Variants in P3H2 observed in about 807,000 individuals in gnomAD.
P3H2 encodes the protein prolyl 3-hydroxylase 2.
In P3H2, 80 loss-of-function variants were observed where a neutral mutation model predicts 87.0. The observed-to-expected ratio is 0.92, with a 90% CI of 0.77 to 1.11. P3H2 has a LOEUF of 1.11. P3H2 is among the 50% of genes least tolerant of loss of function. The pLI, the probability that P3H2 is intolerant of heterozygous loss-of-function variation, is 0.00. For synonymous variants in P3H2, 367 were observed against 359.3 expected (o/e 1.02, Z -0.24); for missense variants, 1,001 against 923.9 (o/e 1.08, Z -1.08).
intron 8 of P3H2, 57 bp from the exon 9 acceptor site, chr3:189,974,742 C>T: frequency 1.2e-6 from 2 of 1,607,470 alleles, no homozygotes; most frequent in African/African-American, 1.3e-5. Context: ...AAAGGAAGCA[C>T]AGAATACCAA....
intron 1 of P3H2, among the ~76,000 whole-genome samples, chr3:190,081,002 T>C (rs761606641): frequency 1.3e-5 from 2 of 152,252 alleles, no homozygotes; most frequent in Non-Finnish European, 2.9e-5. Context: ...TGGCTGATAG[T>C]CACACTCAGA....
chr3:189,972,795 C>A (rs2045294115), intron 11 of P3H2, 79 bp downstream of exon 11: 1 of 1,417,606 alleles, frequency 7.1e-7, no homozygotes, highest in East Asian at 2.3e-5. Flanking sequence ...ATCTACCATG[C>A]TGTTGAGCTT....
intron 3 of P3H2, among the ~76,000 whole-genome samples, chr3:189,992,277 G>A (rs1005563822): frequency 1.3e-5 from 2 of 152,004 alleles, no homozygotes; most frequent in Admixed American, 6.6e-5. Context: ...TATATTTTTA[G>A]TAGAGATGGG....
chr3:189,978,317 C>T (rs1210555558), intron 8 of P3H2, among the ~76,000 whole-genome samples: 2 of 152,144 alleles, frequency 1.3e-5, no homozygotes, highest in African/African-American at 2.4e-5. Context: ...AGGAAAATGT[C>T]TACCAGTCTT....
intron 1 of P3H2, among the ~76,000 whole-genome samples, chr3:190,029,929 G>C (rs1298809076): frequency 6.6e-6 from 1 of 151,694 alleles, no homozygotes; most frequent in African/African-American, 2.4e-5. Context: ...TTGAACCCGG[G>C]AGGCAGAGGT....
At chr3:190,052,958 G>A (rs1726030135) in intron 1 of P3H2, among the ~76,000 whole-genome samples, 1 of 151,996 alleles carries the variant, frequency 6.6e-6, no homozygotes, top group South Asian at 2.1e-4. Flanking sequence ...ATTTCTATAG[G>A]TTAGTTTAAA....
chr3:190,071,772 A>AG, intron 1 of P3H2, among the ~76,000 whole-genome samples: 1 of 152,278 alleles, frequency 6.6e-6, no homozygotes, highest in South Asian at 2.1e-4. Flanking sequence ...AAGTCTGTTG[A>AG]TCTCAGCTAT....
intron 1 of P3H2, among the ~76,000 whole-genome samples, chr3:190,007,816 T>TC (rs1724434102): frequency 1.3e-5 from 2 of 150,642 alleles, no homozygotes; most frequent in Admixed American, 6.6e-5. Flanking sequence ...CAGATTTTTT[T>TC]TTTTTTATGT....
chr3:189,966,144 A>AG (rs1722993457), intron 13 of P3H2, among the ~76,000 whole-genome samples: 1 of 124,810 alleles, frequency 8.0e-6, no homozygotes, highest in African/African-American at 2.8e-5. Context: ...AGAAAGAAAG[A>AG]AAGAAAGAAA....
Position 190,120,291 on chromosome 3 carries a change from G to T in P3H2, c.441C>A (p.Arg147=). The T allele has an allele frequency of 1.2e-6, 2 of 1,610,538 alleles. No individual in the cohort carries two copies. Among genetic ancestry groups the T allele is most frequent in the African/African-American group, 2.7e-5 (2 of 75,034 alleles). The change falls in exon 1 of 15, where the codon CGC becomes CGA. Residue 147 remains arginine (R), a synonymous_variant. Transcript: ENST00000319332. ...VSEDVRSDFQ[R]RVPYNYLQRA... is the part of the protein sequence containing the mutation. ...GCTGCAGGTAGTTGTAGGGCACTCT[G>T]CGCTGGAAGTCGCTGCGCACATCCT... is the stretch of plus-strand genomic sequence containing the variant.
intron 13 of P3H2, among the ~76,000 whole-genome samples, chr3:189,965,705 G>T (rs1722954025): frequency 6.6e-6 from 1 of 152,176 alleles, no homozygotes; most frequent in Admixed American, 6.5e-5. Flanking sequence ...GACTTCTGAG[G>T]CCGGGCGTGG....
At chr3:190,110,818 T>C (rs1712041813) in intron 1 of P3H2, among the ~76,000 whole-genome samples, 1 of 152,246 alleles carries the variant, frequency 6.6e-6, no homozygotes, top group African/African-American at 2.4e-5. Context: ...AAATTTCCTG[T>C]GCTTCCAGAT....
chr3:190,020,064 G>C (rs1039740430), intron 1 of P3H2, among the ~76,000 whole-genome samples: 7 of 132,968 alleles, frequency 5.3e-5, no homozygotes, highest in African/African-American at 1.8e-4. Flanking sequence ...TAATTAGAAA[G>C]GTTCATAGTT....
At chr3:190,100,808 C>T (rs997609916) in intron 1 of P3H2, among the ~76,000 whole-genome samples, 2 of 152,046 alleles carry the variant, frequency 1.3e-5, no homozygotes, top group African/African-American at 2.4e-5. Context: ...ACAGGCATAC[C>T]GCTTCTGATT....
At chr3:189,965,163 C>A (rs1433923116) in intron 13 of P3H2, among the ~76,000 whole-genome samples, 1 of 152,224 alleles carries the variant, frequency 6.6e-6, no homozygotes, top group Non-Finnish European at 1.5e-5. Flanking sequence ...GCCCGTAAAT[C>A]TTTGGTTTCC....
intron 1 of P3H2, among the ~76,000 whole-genome samples, chr3:190,114,594 A>T (rs1370223501): frequency 6.6e-6 from 1 of 152,174 alleles, no homozygotes; most frequent in Non-Finnish European, 1.5e-5. Context: ...CCAAGGAGGA[A>T]CAATTGTGAT....
chr3:190,061,530 C>G (rs1257286762), intron 1 of P3H2, among the ~76,000 whole-genome samples: 1 of 151,936 alleles, frequency 6.6e-6, no homozygotes, highest in African/African-American at 2.4e-5. Context: ...AACAGGTTAC[C>G]CTGTTTGTGT....
At chr3:190,034,843 C>A (rs1044542028) in intron 1 of P3H2, among the ~76,000 whole-genome samples, 1 of 72,350 alleles carries the variant, frequency 1.4e-5, no homozygotes, top group African/African-American at 5.2e-5. Context: ...TTTTTCTTTT[C>A]TTTTCTTTTC....
At position 189,966,364 on chromosome 3, in the gene P3H2, A is replaced by C. The variant is rs548654930; in HGVS notation, c.1894-2266T>G. The stretch of plus-strand genomic sequence containing the variant: ...TAAAGAAAGGATGTGGGGACAAATT[A>C]GTATTTTCTTTCTTCTGGAATTGAA... On this transcript the variant is annotated intron_variant, in intron 13 of 14. Transcript: ENST00000319332. 1.1e-3 allele frequency among the ~76,000 whole-genome samples: 175 copies of C among 152,334 alleles called. 1 individual carries two copies. Among genetic ancestry groups the C allele is most frequent in the African/African-American group, 4.0e-3 (165 of 41,572 alleles).
Sources: allele counts gnomAD v4.1 joint callset (sites outside exome capture counted in the v4.1 genomes callset), GRCh38; gene constraint gnomAD v4.1.1; transcripts MANE v1.5; gene names NCBI Gene and HGNC (gene_info 2026-07-23, HGNC 2026-07-21).